COX7B2: variants seen among roughly 807,000 people sequenced by gnomAD.
COX7B2 encodes the protein cytochrome c oxidase subunit 7B2.
For missense variants in COX7B2, 109 were observed against 95.9 expected (o/e 1.14, Z -0.57); for synonymous variants, 37 against 32.1 (o/e 1.15, Z -0.51).
At chr4:46,907,261 G>A (rs1450700215) in intron 1 of COX7B2, among the ~76,000 whole-genome samples, 1 of 152,010 alleles carries the variant, frequency 6.6e-6, no homozygotes, top group Non-Finnish European at 1.5e-5. Flanking sequence ...CATTTTCTAT[G>A]TCATTTCTCT....
At chr4:46,781,698 C>A (rs748576418) in intron 2 of COX7B2, among the ~76,000 whole-genome samples, 1 of 152,168 alleles carries the variant, frequency 6.6e-6, no homozygotes, top group Non-Finnish European at 1.5e-5. Context: ...ATGGTGGGAA[C>A]CTGGGCTGCG....
intron 1 of COX7B2, among the ~76,000 whole-genome samples, chr4:46,870,182 T>C (rs1577678492): frequency 6.6e-6 from 1 of 152,122 alleles, no homozygotes; most frequent in African/African-American, 2.4e-5. Flanking sequence ...CGTAAGTACA[T>C]TGTAAAATCA....
At chr4:46,885,917 G>A (rs1345135733) in intron 1 of COX7B2, among the ~76,000 whole-genome samples, 1 of 152,028 alleles carries the variant, frequency 6.6e-6, no homozygotes, top group Non-Finnish European at 1.5e-5. Context: ...GAGTTTCCAG[G>A]TCAAGAGTTT....
intron 2 of COX7B2, among the ~76,000 whole-genome samples, chr4:46,799,234 T>C (rs1452257758): frequency 6.6e-6 from 1 of 152,180 alleles, no homozygotes; most frequent in Non-Finnish European, 1.5e-5. Flanking sequence ...TTTACTAAAG[T>C]TGTTTATCCG....
chr4:46,801,832 T>C (rs1718674280), intron 2 of COX7B2, among the ~76,000 whole-genome samples: 1 of 152,170 alleles, frequency 6.6e-6, no homozygotes, highest in Non-Finnish European at 1.5e-5. Context: ...TCTTACATTA[T>C]TACATTTCTT....
At chr4:46,794,520 A>G (rs1026050469) in intron 2 of COX7B2, among the ~76,000 whole-genome samples, 17 of 152,158 alleles carry the variant, frequency 1.1e-4, no homozygotes, top group Admixed American at 1.3e-4. Flanking sequence ...ACTTTCACCA[A>G]TACTATGAGA....
intron 2 of COX7B2, among the ~76,000 whole-genome samples, chr4:46,816,394 C>T (rs566177893): frequency 7.9e-5 from 12 of 152,180 alleles, no homozygotes; most frequent in African/African-American, 2.4e-4. Context: ...CACTAAAATG[C>T]GACCACATTT....
intron 1 of COX7B2, among the ~76,000 whole-genome samples, chr4:46,908,231 A>C (rs1275795261): frequency 1.3e-5 from 2 of 152,074 alleles, no homozygotes; most frequent in Non-Finnish European, 2.9e-5. Context: ...CCATCCTAGA[A>C]CCACTTTGAG....
At chr4:46,813,999 A>G (rs1469847489) in intron 2 of COX7B2, among the ~76,000 whole-genome samples, 1 of 152,198 alleles carries the variant, frequency 6.6e-6, no homozygotes, top group African/African-American at 2.4e-5. Flanking sequence ...TCTCATCCCC[A>G]TTAAAAAGGC....
intron 2 of COX7B2, among the ~76,000 whole-genome samples, chr4:46,818,868 A>G (rs1029239363): frequency 6.6e-6 from 1 of 152,216 alleles, no homozygotes; most frequent in African/African-American, 2.4e-5. Flanking sequence ...GACTTTAGAT[A>G]TGCCAGTGTT....
chr4:46,872,204 A>C (rs1166688755), intron 1 of COX7B2, among the ~76,000 whole-genome samples: 1 of 152,226 alleles, frequency 6.6e-6, no homozygotes. Flanking sequence ...TATTATCCTC[A>C]TAAAATTAAT....
At chr4:46,864,891 G>A (rs998404438) in intron 1 of COX7B2, among the ~76,000 whole-genome samples, 4 of 152,098 alleles carry the variant, frequency 2.6e-5, no homozygotes, top group Admixed American at 6.5e-5. Flanking sequence ...TGATCAGCCC[G>A]CCTCAGCCTC....
At chr4:46,814,156 T>G (rs1478032947) in intron 2 of COX7B2, among the ~76,000 whole-genome samples, 1 of 152,174 alleles carries the variant, frequency 6.6e-6, no homozygotes, top group African/African-American at 2.4e-5. Flanking sequence ...GCAATCATAT[T>G]ACTGGGTATT....
At chr4:46,798,556 T>G (rs931480284) in intron 2 of COX7B2, among the ~76,000 whole-genome samples, 5 of 152,120 alleles carry the variant, frequency 3.3e-5, no homozygotes, top group Non-Finnish European at 5.9e-5. Context: ...GTGCAGGCCT[T>G]TCATATTTTG....
intron 1 of COX7B2, among the ~76,000 whole-genome samples, chr4:46,878,548 A>G (rs1305383967): frequency 6.6e-6 from 1 of 152,062 alleles, no homozygotes; most frequent in Non-Finnish European, 1.5e-5. Context: ...ACATACAATA[A>G]CATGTTTTAA....
intron 2 of COX7B2, among the ~76,000 whole-genome samples, chr4:46,736,600 C>A (rs1460382874): frequency 6.6e-6 from 1 of 152,092 alleles, no homozygotes; most frequent in Non-Finnish European, 1.5e-5. Context: ...GGCAATGGTT[C>A]GGTTTCACCT....
At chr4:46,903,856 T>A (rs1720216271) in intron 1 of COX7B2, 1 of 152,196 alleles carries the variant, frequency 6.6e-6, no homozygotes, top group Non-Finnish European at 1.5e-5. Flanking sequence ...TGTATGATGT[T>A]TGTAGAATGA....
At chr4:46,831,157 G>T (rs185319314) in intron 2 of COX7B2, among the ~76,000 whole-genome samples, 1 of 151,974 alleles carries the variant, frequency 6.6e-6, no homozygotes, top group Non-Finnish European at 1.5e-5. Flanking sequence ...TGCCAGCCCC[G>T]GGCAGTGAAA....
intron 1 of COX7B2, among the ~76,000 whole-genome samples, chr4:46,905,932 C>A (rs1022028362): frequency 6.1e-5 from 9 of 147,608 alleles, no homozygotes; most frequent in African/African-American, 2.5e-5. Flanking sequence ...CGGGTTCACG[C>A]CATTCTCCTT....
Sources: allele counts gnomAD v4.1 joint callset (sites outside exome capture counted in the v4.1 genomes callset), GRCh38; gene constraint gnomAD v4.1.1; transcripts MANE v1.5; gene names NCBI Gene and HGNC (gene_info 2026-07-23, HGNC 2026-07-21).